CBLB: variants seen among roughly 807,000 people sequenced by gnomAD.
CBLB encodes the protein Cbl proto-oncogene B.
Under a neutral mutation model 104.9 loss-of-function variants are expected in CBLB, and 31 were observed. The ratio of observed to expected loss-of-function variants is 0.30; its 90% CI spans 0.22 to 0.40. The LOEUF is 0.40. Among genes scored for constraint, CBLB ranks in the 10% least tolerant of loss-of-function variants. The pLI is 1.00. For synonymous variants in CBLB, 440 were observed against 422.6 expected (o/e 1.04, Z -0.51); for missense variants, 1,062 against 1,214.6 (o/e 0.87, Z 1.87).
intron 4 of CBLB, among the ~76,000 whole-genome samples, chr3:105,756,493 C>CT (rs1371060054): frequency 6.6e-6 from 1 of 152,062 alleles, no homozygotes; most frequent in African/African-American, 2.4e-5. Flanking sequence ...GTATGTAACA[C>CT]TTTAATGGTA....
intron 3 of CBLB, among the ~76,000 whole-genome samples, chr3:105,813,664 A>T (rs976225419): frequency 6.6e-6 from 1 of 152,148 alleles, no homozygotes; most frequent in East Asian, 1.9e-4. Context: ...TGTATTTATA[A>T]TTTATCACAG....
intron 9 of CBLB, among the ~76,000 whole-genome samples, chr3:105,721,749 T>C (rs2072863398): frequency 6.6e-6 from 1 of 152,196 alleles, no homozygotes. Flanking sequence ...AATTCTTCTA[T>C]TTTTGATAAC....
intron 13 of CBLB, among the ~76,000 whole-genome samples, chr3:105,687,717 T>C (rs973132891): frequency 6.6e-6 from 1 of 151,914 alleles, no homozygotes. Flanking sequence ...ATCAGTATAA[T>C]AGTCTATTTG....
intron 9 of CBLB, among the ~76,000 whole-genome samples, chr3:105,729,985 A>C (rs1021417812): frequency 1.3e-5 from 2 of 152,168 alleles, no homozygotes; most frequent in Non-Finnish European, 2.9e-5. Flanking sequence ...ATTATCCAAA[A>C]GTAGAAATGT....
intron 10 of CBLB, among the ~76,000 whole-genome samples, chr3:105,714,559 T>C (rs1367280021): frequency 1.3e-5 from 2 of 152,104 alleles, no homozygotes. Context: ...ATAGAGTTCA[T>C]ACTCCTTTGA....
At chr3:105,769,738 C>A (rs563078988) in intron 4 of CBLB, among the ~76,000 whole-genome samples, 5 of 152,140 alleles carry the variant, frequency 3.3e-5, no homozygotes, top group Admixed American at 6.5e-5. Flanking sequence ...AAGAAGCCAG[C>A]GAAAAAGTTT....
At chr3:105,703,884 C>T (rs1559887339) in intron 11 of CBLB, 104 bp downstream of exon 11, 2 of 1,061,850 alleles carry the variant, frequency 1.9e-6, no homozygotes, top group Non-Finnish European at 2.8e-6. Flanking sequence ...AACTTATTCA[C>T]AATTAAAAGC....
intron 3 of CBLB, among the ~76,000 whole-genome samples, chr3:105,826,259 A>C (rs2153068341): frequency 6.6e-6 from 1 of 152,334 alleles, no homozygotes; most frequent in Middle Eastern, 3.4e-3. Flanking sequence ...TTTACCACAT[A>C]CACAAAATGC....
intron 4 of CBLB, among the ~76,000 whole-genome samples, chr3:105,774,043 G>A (rs914082845): frequency 6.6e-6 from 1 of 152,196 alleles, no homozygotes; most frequent in African/African-American, 2.4e-5. Flanking sequence ...TTGCCATTGC[G>A]ACTGTATTAA....
At chr3:105,765,976 G>A (rs62261496) in intron 4 of CBLB, among the ~76,000 whole-genome samples, 10,460 of 152,154 alleles carry the variant, frequency 0.069, 523 homozygotes, top group Admixed American at 0.15. Flanking sequence ...TCAAAACCTC[G>A]TGGAAAGGAT....
intron 4 of CBLB, among the ~76,000 whole-genome samples, chr3:105,757,467 G>C (rs531940544): frequency 6.6e-6 from 1 of 152,260 alleles, no homozygotes; most frequent in African/African-American, 2.4e-5. Flanking sequence ...CGCTGAGAGA[G>C]GGCGTCTTCC....
At chr3:105,771,779 T>C (rs1312010742) in intron 4 of CBLB, among the ~76,000 whole-genome samples, 2 of 152,054 alleles carry the variant, frequency 1.3e-5, no homozygotes, top group Non-Finnish European at 2.9e-5. Flanking sequence ...CAATCCCCTT[T>C]GCAACAGCTG....
Position 105,836,499 on chromosome 3 carries a change from C to T in CBLB, c.419+16915G>A, listed in dbSNP as rs75835413. ...ACATACCATGAGCACCCCGCAGAGGCAATATGAAACAGGAGTTTATCTTAG... is the reference window on the plus strand; with the variant it reads ...ACATACCATGAGCACCCCGCAGAGGTAATATGAAACAGGAGTTTATCTTAG... On this transcript the variant is annotated intron_variant, in intron 3 of 18. Transcript: ENST00000394030. Among the ~76,000 whole-genome samples the T allele has an allele frequency of 6.3e-3, 962 of 152,258 alleles. 30 individuals carry two copies. The highest frequency in any genetic ancestry group is 0.055 in the East Asian group (283 of 5,182).
At chr3:105,792,063 C>A (rs954684443) in intron 3 of CBLB, among the ~76,000 whole-genome samples, 2 of 152,144 alleles carry the variant, frequency 1.3e-5, no homozygotes, top group Admixed American at 6.6e-5. Flanking sequence ...ATCAGCATAG[C>A]AATTACCTCA....
chr3:105,836,626 A>T (rs1354828573), intron 3 of CBLB, among the ~76,000 whole-genome samples: 1 of 152,188 alleles, frequency 6.6e-6, no homozygotes, highest in Non-Finnish European at 1.5e-5. Flanking sequence ...AATAGGGCAA[A>T]TATGACGGTT....
intron 10 of CBLB, among the ~76,000 whole-genome samples, chr3:105,718,259 G>C (rs1259846341): frequency 1.3e-5 from 2 of 152,260 alleles, no homozygotes; most frequent in South Asian, 2.1e-4. Context: ...AAATCGTGTA[G>C]TTTCTCTGAG....
intron 2 of CBLB, among the ~76,000 whole-genome samples, chr3:105,854,883 G>C (rs369929426): frequency 3.3e-5 from 5 of 151,854 alleles, no homozygotes; most frequent in Non-Finnish European, 7.4e-5. Flanking sequence ...CACCCGCCTC[G>C]GCCTCCCAAA....
chr3:105,793,534 T>G (rs1205940040), intron 3 of CBLB, among the ~76,000 whole-genome samples: 1 of 151,586 alleles, frequency 6.6e-6, no homozygotes, highest in Non-Finnish European at 1.5e-5. Flanking sequence ...GGACTCTTAT[T>G]TAGTTCATCA....
intron 4 of CBLB, among the ~76,000 whole-genome samples, chr3:105,770,767 A>C: frequency 6.6e-6 from 1 of 152,160 alleles, no homozygotes; most frequent in East Asian, 1.9e-4. Flanking sequence ...AGTTCTGTCT[A>C]TAGACTACCT....
Sources: allele counts gnomAD v4.1 joint callset (sites outside exome capture counted in the v4.1 genomes callset), GRCh38; gene constraint gnomAD v4.1.1; transcripts MANE v1.5; gene names NCBI Gene and HGNC (gene_info 2026-07-23, HGNC 2026-07-21).